Variants in ADGRD1 observed in about 807,000 individuals in gnomAD.
ADGRD1 encodes G-protein coupled receptor 133.
ADGRD1 carries 77 observed loss-of-function variants against 113.4 expected under a neutral mutation model. The ratio of observed to expected loss-of-function variants is 0.68; its 90% CI spans 0.57 to 0.82. The LOEUF (loss-of-function observed/expected upper bound fraction) is 0.82. Among genes scored for constraint, ADGRD1 ranks in the 40% least tolerant of loss-of-function variants. The probability of loss-of-function intolerance (pLI) is 0.00; values close to 1 mark genes in which losing one functional copy is unlikely to be tolerated. For synonymous variants in ADGRD1, 474 were observed against 475.0 expected, an observed-to-expected ratio of 1.00 and a Z score of 0.03; for missense variants, 1,036 against 1,139.1, an observed-to-expected ratio of 0.91 and a Z score of 1.30.
chr12:131,082,583 C>A (rs1886152351), intron 14 of ADGRD1, among the ~76,000 whole-genome samples: 1 of 152,002 alleles, frequency 6.6e-6, no homozygotes, highest in African/African-American at 2.4e-5. Flanking sequence ...ATGTTCAGGC[C>A]CCCCCCTCAA....
At chr12:131,039,309 A>T (rs1881875516) in intron 13 of ADGRD1, among the ~76,000 whole-genome samples, 1 of 152,246 alleles carries the variant, frequency 6.6e-6, no homozygotes, top group African/African-American at 2.4e-5. Context: ...CTCAGCCCCC[A>T]GTCCCACCAG....
At chr12:130,967,236 A>G (rs1871104055) in intron 3 of ADGRD1, 26 of 317,782 alleles carry the variant, frequency 8.2e-5, no homozygotes, top group South Asian at 6.7e-4. Context: ...CAGCTTCCCC[A>G]CACATCAGCT....
At chr12:131,137,217 A>G (rs885389) in intron 23 of ADGRD1, 387,759 of 610,648 alleles carry the variant, frequency 0.63, 124,772 homozygotes, top group Middle Eastern at 0.73. Context: ...GCTAAGCGAT[A>G]TGCAAGCATC....
Position 131,057,540 on chromosome 12 carries a change from C to G in ADGRD1, c.1474-19261C>G, listed in dbSNP as rs1883981133. Among the ~76,000 whole-genome samples, 1 of 152,182 alleles carries G rather than the reference C, an allele frequency of 6.6e-6. No homozygotes were observed. The highest frequency in any genetic ancestry group is 1.5e-5 in the Non-Finnish European group (1 of 68,028). On this transcript the variant is annotated intron_variant, in intron 13 of 24. Transcript: ENST00000261654. The surrounding 1 kb of genome is among the most constrained non-coding windows in gnomAD (Gnocchi z 4.2). ...GCTCAGCGGGAACGTCCACCCCTGC[C>G]TGTCTCCTAGTAGTCCTGGCCTGCG...
intron 13 of ADGRD1, among the ~76,000 whole-genome samples, chr12:131,067,464 A>C (rs921256450): frequency 6.6e-6 from 1 of 152,226 alleles, no homozygotes; most frequent in African/African-American, 2.4e-5. Flanking sequence ...GGCCTCCTCC[A>C]GACCTGGCTT....
At chr12:131,077,042 C>T (rs1179881570) in intron 14 of ADGRD1, among the ~76,000 whole-genome samples, 168 bp downstream of exon 14, 2 of 152,182 alleles carry the variant, frequency 1.3e-5, no homozygotes, top group African/African-American at 4.8e-5. Context: ...GGTGGCAGTG[C>T]TGGGTGGAGG....
intron 8 of ADGRD1, among the ~76,000 whole-genome samples, chr12:130,998,712 G>T (rs905451935): frequency 6.6e-6 from 1 of 152,110 alleles, no homozygotes; most frequent in Non-Finnish European, 1.5e-5. Flanking sequence ...TGATCCACCC[G>T]TCTCAGCCTC....
intron 13 of ADGRD1, among the ~76,000 whole-genome samples, chr12:131,038,060 T>C (rs1881724423): frequency 6.6e-6 from 1 of 151,722 alleles, no homozygotes; most frequent in African/African-American, 2.4e-5. Flanking sequence ...CTGCACCGGG[T>C]CTCACTCACT....
At chr12:131,076,695 C>G in intron 13 of ADGRD1, 106 bp from the exon 14 acceptor site, 1 of 908,996 alleles carries the variant, frequency 1.1e-6, no homozygotes, top group Non-Finnish European at 1.8e-6. Context: ...ATGCCTGTCC[C>G]TACCTGAGGT....
At chr12:131,017,707 T>A in intron 13 of ADGRD1, among the ~76,000 whole-genome samples, 1 of 135,124 alleles carries the variant, frequency 7.4e-6, no homozygotes, top group South Asian at 2.5e-4. Context: ...ACACACCCAG[T>A]GCTCACACAC....
intron 20 of ADGRD1, among the ~76,000 whole-genome samples, chr12:131,131,245 C>T (rs7963978): frequency 0.089 from 13,513 of 152,208 alleles, 644 homozygotes; most frequent in African/African-American, 0.13. Flanking sequence ...GCCCCTCTGC[C>T]GCAGCTTCTG....
At chr12:131,131,872 C>T in intron 21 of ADGRD1, 56 bp downstream of exon 21, 1 of 1,164,578 alleles carries the variant, frequency 8.6e-7, no homozygotes, top group African/African-American at 1.5e-5. Context: ...CCAGAGGATG[C>T]TTTGAGGTCA....
At chr12:131,097,109 T>G (rs1333949205) in intron 15 of ADGRD1, among the ~76,000 whole-genome samples, 1 of 152,070 alleles carries the variant, frequency 6.6e-6, no homozygotes, top group Non-Finnish European at 1.5e-5. Context: ...TCCCCCTTTC[T>G]CTCCCCTCCC....
rs56674647 is a variant in ADGRD1, at chr12:130,987,412, G to A, written c.745+63G>A. On this transcript the variant is annotated intron_variant, in intron 6 of 24. Coordinates refer to ENST00000261654, the MANE Select transcript of ADGRD1 (RefSeq NM_198827.5). ...TGTTCCCAGGGTCACCCTGGTATCG[G>A]CCTCCTTTCTCCCCACTCTCCCGTT... 1.7e-4 allele frequency: 267 copies of A among 1,580,406 alleles called. No homozygotes were observed. The African/African-American group carries it at 2.9e-3, about 17-fold the overall frequency.
chr12:131,021,600 T>C (rs1329530902), intron 13 of ADGRD1, among the ~76,000 whole-genome samples: 9 of 152,144 alleles, frequency 5.9e-5, no homozygotes, highest in Non-Finnish European at 1.5e-5. Flanking sequence ...AAGATCAAGG[T>C]GTCGGTAGGT....
rs1172740527 is a variant in ADGRD1 at position 131,067,502 on chromosome 12, A to G, written c.1474-9299A>G. On this transcript the variant is annotated intron_variant, in intron 13 of 24. Coordinates refer to ENST00000261654, the MANE Select transcript of ADGRD1 (RefSeq NM_198827.5). ...GAGCAGGGGCTGCCCTCTGCCTCCT[A>G]TATGTCTGATCGCTGTGCCCCTGAT... is the stretch of plus-strand genomic sequence containing the variant. Among the ~76,000 whole-genome samples, 713 of 121,788 alleles carry G rather than the reference A, an allele frequency of 5.9e-3. No homozygotes were observed. The Middle Eastern group carries it at 0.071, about 12-fold the overall frequency. The allele number at this position is 121,788 out of a possible 152,430, so 79.9% of individuals were successfully genotyped here. A position where few individuals can be genotyped will look rare whatever the true frequency, so the allele number is the denominator to read the frequency against.
intron 15 of ADGRD1, among the ~76,000 whole-genome samples, chr12:131,102,027 AG>A (rs1424762278): frequency 6.6e-6 from 1 of 152,270 alleles, no homozygotes; most frequent in Admixed American, 6.5e-5. Flanking sequence ...ATAGCTGAAC[AG>A]GGGGGTTTAT....
At position 131,039,245 on chromosome 12, in the gene ADGRD1, G is replaced by A. The variant is rs538828867; in HGVS notation, c.1473+24905G>A. ...CCCTGTGCTCCTCCAGCCACTGCCC[G>A]CTGAGCCGGGACGGTGCGGAGAGCC... On this transcript the variant is annotated intron_variant, in intron 13 of 24. Transcript: ENST00000261654. Among the ~76,000 whole-genome samples the A allele has an allele frequency of 5.0e-5, 7 of 139,836 alleles. No homozygotes were observed. The Middle Eastern group carries it at 0.015, about 300-fold the overall frequency. The allele number at this position is 139,836 out of a possible 152,430, so 91.7% of individuals were successfully genotyped here. A position where few individuals can be genotyped will look rare whatever the true frequency, so the allele number is the denominator to read the frequency against.
intron 18 of ADGRD1, among the ~76,000 whole-genome samples, chr12:131,112,651 G>T (rs942730767): frequency 6.6e-6 from 1 of 152,240 alleles, no homozygotes; most frequent in African/African-American, 2.4e-5. Context: ...GCACTTTGGA[G>T]TTCTCTAACC....
Sources: gnomAD v4.1 joint callset for allele counts (sites outside exome capture counted in the v4.1 genomes callset) on GRCh38, gnomAD v4.1.1 for gene constraint, Gnocchi (gnomAD v3.1) non-coding constraint, MANE v1.5 for transcripts, NCBI Gene and HGNC (gene_info 2026-07-23, HGNC 2026-07-21) for gene names.